The following GPR176 variants were observed in gnomAD, a reference collection of about 807,000 sequenced individuals.
GPR176 encodes the protein G protein-coupled receptor 176, also known as G-protein coupled receptor 176.
Under a neutral mutation model 35.4 loss-of-function variants are expected in GPR176, and 26 were observed. The observed-to-expected ratio is 0.74, with a 90% confidence interval of 0.54 to 1.02. The LOEUF is 1.02. Among genes scored for constraint, GPR176 ranks in the 50% least tolerant of loss-of-function variants. The pLI is 0.00. For synonymous variants in GPR176, 278 were observed against 271.3 expected, an observed-to-expected ratio of 1.02 and a Z score of -0.24; for missense variants, 597 against 665.3, an observed-to-expected ratio of 0.90 and a Z score of 1.13.
intron 1 of GPR176, among the ~76,000 whole-genome samples, chr15:39,880,682 T>C (rs545083435): frequency 2.6e-5 from 4 of 152,144 alleles, no homozygotes; most frequent in African/African-American, 9.6e-5. Flanking sequence ...CTCCACCCCC[T>C]CAGAAGCCCA....
intron 1 of GPR176, among the ~76,000 whole-genome samples, chr15:39,908,976 A>G (rs1222148691): frequency 1.3e-5 from 2 of 152,166 alleles, no homozygotes; most frequent in Non-Finnish European, 2.9e-5. Flanking sequence ...GGGAAGTCAT[A>G]TTTTAAAAAA....
intron 1 of GPR176, among the ~76,000 whole-genome samples, chr15:39,855,231 C>G (rs1234218127): frequency 6.6e-6 from 1 of 152,144 alleles, no homozygotes; most frequent in East Asian, 1.9e-4. Flanking sequence ...TGACAAAGTA[C>G]ATCGCCAATG....
chr15:39,812,072 T>C (rs1264476613), intron 1 of GPR176, among the ~76,000 whole-genome samples: 2 of 152,242 alleles, frequency 1.3e-5, no homozygotes, highest in African/African-American at 4.8e-5. Flanking sequence ...TGGTTGCCTA[T>C]ATTTACAACA....
chr15:39,885,630 A>G (rs973145954), intron 1 of GPR176, among the ~76,000 whole-genome samples: 2 of 152,224 alleles, frequency 1.3e-5, no homozygotes, highest in Non-Finnish European at 2.9e-5. Flanking sequence ...ATTTCTGAAT[A>G]AAGATTTATC....
At chr15:39,867,546 C>T (rs749397763) in intron 1 of GPR176, among the ~76,000 whole-genome samples, 135 of 151,606 alleles carry the variant, frequency 8.9e-4, no homozygotes, top group African/African-American at 3.2e-3. Context: ...TTGAACCTCA[C>T]GCTGGAGGCT....
intron 1 of GPR176, among the ~76,000 whole-genome samples, chr15:39,821,791 G>A (rs2140811510): frequency 6.6e-6 from 1 of 152,192 alleles, no homozygotes; most frequent in South Asian, 2.1e-4. Context: ...AGCTATTTTT[G>A]CTAACTGTTA....
intron 1 of GPR176, among the ~76,000 whole-genome samples, chr15:39,901,127 A>G (rs147594391): frequency 1.9e-3 from 287 of 149,174 alleles, no homozygotes; most frequent in Non-Finnish European, 3.6e-3. Context: ...GAATGATATG[A>G]AAATGGTTGG....
At chr15:39,833,586 G>T (rs569467469) in intron 1 of GPR176, among the ~76,000 whole-genome samples, 1 of 152,156 alleles carries the variant, frequency 6.6e-6, no homozygotes, top group Admixed American at 6.5e-5. Flanking sequence ...TTTAGTAATG[G>T]TTACACAACT....
intron 1 of GPR176, among the ~76,000 whole-genome samples, chr15:39,823,096 TG>T (rs1900386195): frequency 6.6e-6 from 1 of 152,226 alleles, no homozygotes; most frequent in Admixed American, 6.5e-5. Context: ...TATTTTTTGC[TG>T]GCTTCTCTTC....
At chr15:39,835,344 A>G (rs1028393528) in intron 1 of GPR176, among the ~76,000 whole-genome samples, 2 of 152,140 alleles carry the variant, frequency 1.3e-5, no homozygotes, top group African/African-American at 4.8e-5. Flanking sequence ...CCATAAATAT[A>G]TATACCTACT....
chr15:39,863,188 C>G (rs771993713), intron 1 of GPR176, among the ~76,000 whole-genome samples: 63 of 151,788 alleles, frequency 4.2e-4, no homozygotes, highest in Admixed American at 1.4e-3. Flanking sequence ...ATGCCATTCT[C>G]CTGCCTCAGC....
intron 2 of GPR176, among the ~76,000 whole-genome samples, chr15:39,805,446 T>C (rs1899128995): frequency 6.6e-6 from 1 of 152,144 alleles, no homozygotes; most frequent in Non-Finnish European, 1.5e-5. Flanking sequence ...TTTTAAATTA[T>C]GGAATTCTAA....
At chr15:39,902,926 C>T (rs1268183431) in intron 1 of GPR176, among the ~76,000 whole-genome samples, 1 of 152,220 alleles carries the variant, frequency 6.6e-6, no homozygotes, top group Non-Finnish European at 1.5e-5. Context: ...ATACAAGGCA[C>T]TCTCTCAATT....
rs115663592 is a variant in GPR176 at position 39,845,697 on chromosome 15, T to C, written c.173-38439A>G. Among the ~76,000 whole-genome samples the C allele has an allele frequency of 9.7e-3, 1,472 of 152,090 alleles. 23 individuals are homozygous for C. Among genetic ancestry groups the C allele is most frequent in the African/African-American group, 0.034 (1,425 of 41,496 alleles). On this transcript the variant is annotated intron_variant, in intron 1 of 2. Coordinates refer to ENST00000561100, the MANE Select transcript of GPR176 (RefSeq NM_007223.3). ...AGGTCTGTCTGAGGAGATATTTGAATTGAGACCTTAGTAAGCGGGAGAGAG... is the reference window on the plus strand; with the variant it reads ...AGGTCTGTCTGAGGAGATATTTGAACTGAGACCTTAGTAAGCGGGAGAGAG...
chr15:39,823,673 C>T (rs1457017539), intron 1 of GPR176, among the ~76,000 whole-genome samples: 1 of 152,212 alleles, frequency 6.6e-6, no homozygotes, highest in Non-Finnish European at 1.5e-5. Context: ...ACATCACTCC[C>T]CTTCTTGAAA....
At position 39,908,550 on chromosome 15, in the gene GPR176, C is replaced by CTT. The variant is rs199790696; in HGVS notation, c.172+11303_172+11304dup. ...AAGTTTAAGCAATAAAGGAGATTTT[C>CTT]TTTTTTTTTTTTTCTTTTTTTTGTT... On this transcript the variant is annotated intron_variant, in intron 1 of 2. Transcript: ENST00000561100. 3.8e-4 allele frequency among the ~76,000 whole-genome samples: 55 copies of CTT among 144,106 alleles called. 1 individual carries two copies. The highest frequency in any genetic ancestry group is 8.9e-4 in the Admixed American group (13 of 14,532). 94.5% of individuals were successfully genotyped at this position (144,106 alleles called of 152,430 possible).
chr15:39,900,813 A>G (rs1013275437), intron 1 of GPR176, among the ~76,000 whole-genome samples: 5 of 152,206 alleles, frequency 3.3e-5, no homozygotes, highest in African/African-American at 1.2e-4. Flanking sequence ...GAAGTTTCCA[A>G]TTCTATCTTA....
chr15:39,907,270 C>G (rs1232732146), intron 1 of GPR176, among the ~76,000 whole-genome samples: 2 of 152,234 alleles, frequency 1.3e-5, no homozygotes, highest in Non-Finnish European at 2.9e-5. Context: ...ACCTCTTGCT[C>G]GGTGCCTTCT....
chr15:39,906,576 T>A (rs992047819), intron 1 of GPR176, among the ~76,000 whole-genome samples: 1 of 152,252 alleles, frequency 6.6e-6, no homozygotes, highest in Admixed American at 6.5e-5. Flanking sequence ...CTGCCTGGTT[T>A]AAAATGCTGC....
Sources: allele counts gnomAD v4.1 joint callset (sites outside exome capture counted in the v4.1 genomes callset), GRCh38; gene constraint gnomAD v4.1.1; transcripts MANE v1.5; gene names NCBI Gene and HGNC (gene_info 2026-07-23, HGNC 2026-07-21).